The following IL7 variants were observed in gnomAD, a reference collection of about 807,000 sequenced individuals.
The protein encoded by IL7 is interleukin 7.
Under a neutral mutation model 21.6 loss-of-function variants are expected in IL7, and 3 were observed. The ratio of observed to expected loss-of-function variants is 0.14; its 90% CI spans 0.06 to 0.36. The LOEUF (loss-of-function observed/expected upper bound fraction) is 0.36, where lower values mean the gene tolerates loss of function less well. IL7 is among the 10% of genes least tolerant of loss of function. The pLI is 1.00. For missense variants in IL7, 175 were observed against 200.2 expected (o/e 0.87, Z 0.76); for synonymous variants, 62 against 68.1 (o/e 0.91, Z 0.44).
intron 2 of IL7, among the ~76,000 whole-genome samples, chr8:78,743,382 C>T (rs1811866626): frequency 6.6e-6 from 1 of 152,104 alleles, no homozygotes; most frequent in African/African-American, 2.4e-5. Flanking sequence ...CCTTTTTCTT[C>T]ACAACCTTGC....
chr8:78,774,573 AT>A (rs1813069941), intron 2 of IL7, among the ~76,000 whole-genome samples: 1 of 152,088 alleles, frequency 6.6e-6, no homozygotes, highest in Admixed American at 6.6e-5. Context: ...AAGTAAAGCA[AT>A]TCTCGTGCAA....
In IL7 at chr8:78,738,705, G is replaced by A. The variant is rs970516307; in HGVS notation, c.229-70C>T. 22 of 1,444,184 alleles carry A rather than the reference G, an allele frequency of 1.5e-5. No homozygotes were observed. In the East Asian group the frequency reaches 2.5e-4, roughly 17 times the overall value. 89.5% of individuals were successfully genotyped at this position (1,444,184 alleles called of 1,614,324 possible). A position where few individuals can be genotyped will look rare whatever the true frequency, so the allele number is the denominator to read the frequency against. ...TTAAGAAATTATAAGCTTTCTTAAG[G>A]AGCCTAGAGCTTGAGCTATGTTGCT... On this transcript the variant is annotated intron_variant, in intron 3 of 5. Coordinates refer to ENST00000263851, the MANE Select transcript of IL7 (RefSeq NM_000880.4).
At chr8:78,776,840 AG>A (rs1364126569) in intron 2 of IL7, among the ~76,000 whole-genome samples, 1 of 152,104 alleles carries the variant, frequency 6.6e-6, no homozygotes, top group Non-Finnish European at 1.5e-5. Flanking sequence ...TCACATAGCT[AG>A]CAAGTGGCAT....
At chr8:78,782,778 G>A (rs1440859387) in intron 2 of IL7, among the ~76,000 whole-genome samples, 3 of 152,040 alleles carry the variant, frequency 2.0e-5, no homozygotes, top group South Asian at 2.1e-4. Flanking sequence ...CAGAGCCAGC[G>A]GGGAAAAGAC....
intron 2 of IL7, chr8:78,760,381 C>T: frequency 1.9e-6 from 3 of 1,609,494 alleles, no homozygotes; most frequent in Non-Finnish European, 2.5e-6. Flanking sequence ...TACACAGGAC[C>T]TTCAGCAATG....
intron 3 of IL7, among the ~76,000 whole-genome samples, chr8:78,721,744 A>C (rs1466620638): frequency 1.3e-5 from 2 of 151,988 alleles, no homozygotes; most frequent in East Asian, 3.9e-4. Flanking sequence ...AATAGATCAT[A>C]CTTTTTGAAA....
At chr8:78,688,952 A>G (rs1810114918) in intron 3 of IL7, among the ~76,000 whole-genome samples, 4 of 152,020 alleles carry the variant, frequency 2.6e-5, no homozygotes, top group African/African-American at 2.4e-5. Context: ...ACTCTTTTGT[A>G]CTAAGGATTT....
intron 2 of IL7, among the ~76,000 whole-genome samples, chr8:78,743,719 T>TTTCA (rs1227459121): frequency 1.3e-5 from 2 of 152,130 alleles, no homozygotes; most frequent in Non-Finnish European, 2.9e-5. Flanking sequence ...CTTTTTGAGG[T>TTTCA]TTCAGCATTC....
intron 3 of IL7, among the ~76,000 whole-genome samples, chr8:78,707,647 AC>A (rs1223718566): frequency 6.6e-6 from 1 of 152,194 alleles, no homozygotes; most frequent in Admixed American, 6.5e-5. Context: ...ATCATATATA[AC>A]TGTCAATCAT....
At chr8:78,716,183 C>T (rs528619260), downstream of IL7, among the ~76,000 whole-genome samples, 12 of 150,910 alleles carry the variant, frequency 8.0e-5, no homozygotes, top group South Asian at 1.1e-3. Context: ...AGTGCAGTGG[C>T]GCAATCTCGG....
chr8:78,675,749 G>A (rs770382271), exon 5 of IL7: 5 of 1,505,090 alleles, frequency 3.3e-6, no homozygotes, highest in Admixed American at 3.7e-5. Flanking sequence ...ACAATTTCAA[G>A]TTATATAAAT....
intron 4 of IL7, among the ~76,000 whole-genome samples, chr8:78,676,741 A>G (rs1488975711): frequency 2.0e-5 from 3 of 151,998 alleles, no homozygotes; most frequent in Non-Finnish European, 4.4e-5. Context: ...TTTTAAAAAC[A>G]TCTTGCCCAC....
intron 3 of IL7, among the ~76,000 whole-genome samples, chr8:78,700,320 T>C (rs1810559140): frequency 6.6e-6 from 1 of 152,110 alleles, no homozygotes; most frequent in South Asian, 2.1e-4. Context: ...GATTGTTTGT[T>C]TTTTTTCTTG....
At chr8:78,679,887 A>T (rs1809712479) in intron 4 of IL7, among the ~76,000 whole-genome samples, 1 of 152,102 alleles carries the variant, frequency 6.6e-6, no homozygotes, top group Non-Finnish European at 1.5e-5. Context: ...TCAATATATG[A>T]CGTTTTTCTT....
At chr8:78,729,755 T>G (rs1265793266), downstream of IL7, among the ~76,000 whole-genome samples, 1 of 152,048 alleles carries the variant, frequency 6.6e-6, no homozygotes, top group Admixed American at 6.6e-5. Context: ...ATTTCTAGAA[T>G]ATGTTATAAG....
intron 3 of IL7, among the ~76,000 whole-genome samples, chr8:78,708,067 A>G (rs1252877993): frequency 1.3e-5 from 2 of 152,194 alleles, no homozygotes; most frequent in African/African-American, 4.8e-5. Flanking sequence ...CAGAATTATC[A>G]TCTGGTACCA....
intron 3 of IL7, among the ~76,000 whole-genome samples, chr8:78,706,089 A>G (rs965051903): frequency 3.3e-5 from 5 of 151,718 alleles, no homozygotes; most frequent in Non-Finnish European, 7.4e-5. Context: ...GTTGGTTTGT[A>G]CTCTCCAAAG....
intron 2 of IL7, among the ~76,000 whole-genome samples, chr8:78,763,026 C>A (rs1379716411): frequency 1.3e-5 from 2 of 152,146 alleles, no homozygotes; most frequent in Non-Finnish European, 2.9e-5. Flanking sequence ...TATTTGGATG[C>A]GATCAATGTC....
chr8:78,788,153 G>A (rs1230334729), intron 2 of IL7, among the ~76,000 whole-genome samples: 2 of 151,996 alleles, frequency 1.3e-5, no homozygotes, highest in African/African-American at 4.8e-5. Flanking sequence ...TTATTTTCGT[G>A]GTCAGCCTGG....
Sources: allele counts gnomAD v4.1 joint callset (sites outside exome capture counted in the v4.1 genomes callset), GRCh38; gene constraint gnomAD v4.1.1; transcripts MANE v1.5; gene names NCBI Gene and HGNC (gene_info 2026-07-23, HGNC 2026-07-21).